Variants in C5 observed in about 807,000 individuals in gnomAD.
C5 encodes complement C5.
C5 carries 140 observed loss-of-function variants against 218.8 expected under a neutral mutation model. The observed-to-expected ratio is 0.64, with a 90% CI of 0.56 to 0.74. C5 has a LOEUF of 0.74. Among genes scored for constraint, C5 ranks in the 30% least tolerant of loss-of-function variants. The probability of loss-of-function intolerance (pLI) is 0.00; values close to 1 mark genes in which losing one functional copy is unlikely to be tolerated. For missense variants in C5, 1,700 were observed against 1,969.6 expected, an observed-to-expected ratio of 0.86 and a Z score of 2.59; for synonymous variants, 614 against 682.3, an observed-to-expected ratio of 0.90 and a Z score of 1.56.
At chr9:121,014,546 T>C (rs989875701) in intron 16 of C5, among the ~76,000 whole-genome samples, 1 of 152,226 alleles carries the variant, frequency 6.6e-6, no homozygotes, top group Non-Finnish European at 1.5e-5. Context: ...AGCATTATCC[T>C]TCATTGTAAG....
chr9:120,985,606 A>C (rs1431003635), intron 25 of C5, among the ~76,000 whole-genome samples: 1 of 152,218 alleles, frequency 6.6e-6, no homozygotes, highest in Non-Finnish European at 1.5e-5. Context: ...GTAAAATAAA[A>C]TACTGCATGG....
chr9:120,979,188 C>A (rs2046973974), intron 28 of C5, among the ~76,000 whole-genome samples: 1 of 152,218 alleles, frequency 6.6e-6, no homozygotes, highest in South Asian at 2.1e-4. Flanking sequence ...GAGCACCAGG[C>A]ATGCCCATGC....
rs2047318311 is a variant in C5 at position 121,017,520 on chromosome 9, T to C, written c.1717-9A>G. 1 of 1,613,436 alleles carries C rather than the reference T, an allele frequency of 6.2e-7. No homozygotes were observed. The highest frequency in any genetic ancestry group is 1.7e-5 in the Admixed American group (1 of 59,994). The stretch of plus-strand genomic sequence containing the variant: ...TCAGGAGACAGATGAACCTAAAAGT[T>C]CATTTGAAAAAGAAAAGAAAAGATC... On this transcript the variant is annotated splice_polypyrimidine_tract_variant and intron_variant, in intron 13 of 40. Coordinates refer to ENST00000223642, the MANE Select transcript of C5 (RefSeq NM_001735.3).
intron 3 of C5, among the ~76,000 whole-genome samples, chr9:121,040,328 G>T (rs1244434756): frequency 6.6e-6 from 1 of 152,128 alleles, no homozygotes; most frequent in Non-Finnish European, 1.5e-5. Context: ...GTCTATAGAG[G>T]GTGGGGCCGT....
rs79554848 is a variant in C5, at chr9:121,022,314, T to C, written c.1117-620A>G. On this transcript the variant is annotated intron_variant, in intron 10 of 40. Coordinates refer to ENST00000223642, the MANE Select transcript of C5 (RefSeq NM_001735.3). ...TCTCACTGCCATATATATATATATA[T>C]ACACACACAATTCCACACAGATATA... 9.4e-3 allele frequency among the ~76,000 whole-genome samples: 1,252 copies of C among 133,140 alleles called. 15 individuals are homozygous for C. Among genetic ancestry groups the C allele is most frequent in the African/African-American group, 0.032 (1,173 of 36,692 alleles). The allele number at this position is 133,140 out of a possible 152,430, so 87.3% of individuals were successfully genotyped here. A position where few individuals can be genotyped will look rare whatever the true frequency, so the allele number is the denominator to read the frequency against.
chr9:121,036,852 A>C (rs1199840997), intron 4 of C5, among the ~76,000 whole-genome samples: 1 of 151,386 alleles, frequency 6.6e-6, no homozygotes, highest in Non-Finnish European at 1.5e-5. Context: ...TTGCACCTGC[A>C]TTCTGATAAG....
At position 120,974,674 on chromosome 9, in the gene C5, A is replaced by G. The variant is rs964415530; in HGVS notation, c.4017+105T>C. 5 of 1,078,298 alleles carry G rather than the reference A, an allele frequency of 4.6e-6. No individual in the cohort carries two copies. The Admixed American group carries it at 5.1e-5, about 11-fold the overall frequency. The allele number at this position is 1,078,298 out of a possible 1,614,324, so 66.8% of individuals were successfully genotyped here. ...GTTTAGGACATAGCTGACACTCAAT[A>G]TATGTTTAAGTAGTGAAGAGATAGA... On this transcript the variant is annotated intron_variant, in intron 30 of 40. Coordinates refer to ENST00000223642, the MANE Select transcript of C5 (RefSeq NM_001735.3).
the C5 span, among the ~76,000 whole-genome samples, chr9:121,071,024 T>A: frequency 2.6e-5 from 4 of 152,052 alleles, no homozygotes; most frequent in African/African-American, 9.7e-5. Context: ...AAAATAAAAA[T>A]TAAGGTTGGG....
At chr9:120,953,963 G>A in intron 39 of C5, 95 bp from the exon 40 acceptor site, 1 of 1,302,688 alleles carries the variant, frequency 7.7e-7, no homozygotes, top group Non-Finnish European at 1.1e-6. Flanking sequence ...TGGCTATTGA[G>A]AGGTTCATGG....
At chr9:121,039,972 G>T (rs187911615) in intron 3 of C5, among the ~76,000 whole-genome samples, 1 of 152,224 alleles carries the variant, frequency 6.6e-6, no homozygotes, top group East Asian at 1.9e-4. Flanking sequence ...ATTATGCTAC[G>T]TACTGAGATA....
chr9:121,022,298 CATAT>C (rs36060946), intron 10 of C5, among the ~76,000 whole-genome samples: 15 of 148,918 alleles, frequency 1.0e-4, no homozygotes, highest in Admixed American at 1.3e-4. Context: ...CTCTCACTGC[CATAT>C]ATATATATAT....
rs1372886940 is a variant in C5, at chr9:121,025,445, C to CACAG, written c.1000+8_1000+9insCTGT. 6.2e-7 allele frequency: 1 copy of CACAG among 1,606,994 alleles called. No individual in the cohort carries two copies. Among genetic ancestry groups the CACAG allele is most frequent in the African/African-American group, 1.3e-5 (1 of 74,756 alleles). On this transcript the variant is annotated intron_variant, in intron 9 of 40. Coordinates refer to ENST00000223642, the MANE Select transcript of C5 (RefSeq NM_001735.3). The stretch of plus-strand genomic sequence containing the variant: ...ACACACACACACACACACACACACA[C>CACAG]ACACTTACCTGTAGACTCTATGACT...
At chr9:121,048,399 G>A (rs967983541) in intron 1 of C5, among the ~76,000 whole-genome samples, 12 of 152,304 alleles carry the variant, frequency 7.9e-5, no homozygotes, top group Middle Eastern at 3.4e-3. Context: ...ATTCTCCTAG[G>A]AGCATGAACT....
intron 2 of C5, 34 bp from the exon 3 acceptor site, chr9:121,043,200 T>C (rs761119146): frequency 3.7e-5 from 57 of 1,544,430 alleles, no homozygotes; most frequent in Admixed American, 5.2e-5. Flanking sequence ...AAAAGTATAA[T>C]AATTCTAAAG....
intron 16 of C5, 168 bp downstream of exon 16, chr9:121,015,031 G>T: frequency 3.5e-6 from 2 of 574,186 alleles, no homozygotes; most frequent in Non-Finnish European, 6.1e-6. Context: ...TGAACTACTA[G>T]ACTTTATTTG....
the C5 span, among the ~76,000 whole-genome samples, chr9:121,074,469 G>A: frequency 2.6e-5 from 4 of 152,206 alleles, no homozygotes; most frequent in Non-Finnish European, 5.9e-5. Flanking sequence ...AGGTTCATCC[G>A]AGCCTGGGCA....
the C5 span, among the ~76,000 whole-genome samples, chr9:121,066,311 T>TAA: frequency 2.5e-4 from 16 of 64,236 alleles, no homozygotes; most frequent in South Asian, 7.7e-4. Flanking sequence ...GACTCCATCT[T>TAA]AAAAAAAAAA....
At chr9:121,000,058 CA>C (rs56914253) in intron 20 of C5, 13,401 of 170,358 alleles carry the variant, frequency 0.079, 16 homozygotes, top group South Asian at 0.2. Flanking sequence ...GACTCTGTCT[CA>C]AAAAAAAAAA....
intron 32 of C5, 149 bp from the exon 33 acceptor site, chr9:120,969,267 G>A: frequency 1.4e-6 from 1 of 691,768 alleles, no homozygotes; most frequent in Non-Finnish European, 2.6e-6. Flanking sequence ...GATACTTTCA[G>A]TGGTTCTAAT....
Sources: gnomAD v4.1 joint callset for allele counts (sites outside exome capture counted in the v4.1 genomes callset) on GRCh38, gnomAD v4.1.1 for gene constraint, MANE v1.5 for transcripts, NCBI Gene and HGNC (gene_info 2026-07-23, HGNC 2026-07-21) for gene names.